Variants in LRFN2 observed in about 807,000 individuals in gnomAD.
LRFN2 encodes the protein leucine-rich repeat and fibronectin type-III domain-containing protein 2.
LRFN2 carries 18 observed loss-of-function variants against 37.3 expected under a neutral mutation model. That is an observed-to-expected ratio of 0.48 (90% CI 0.33 to 0.72). LRFN2 has a LOEUF of 0.72. Ranked by LOEUF, LRFN2 falls within the 30% of genes least tolerant of loss-of-function variation. The probability of loss-of-function intolerance (pLI) is 0.02; values close to 1 mark genes in which losing one functional copy is unlikely to be tolerated. For missense variants in LRFN2, 1,006 were observed against 1,060.7 expected, an observed-to-expected ratio of 0.95 and a Z score of 0.72; for synonymous variants, 556 against 466.6, an observed-to-expected ratio of 1.19 and a Z score of -2.47.
intron 1 of LRFN2, among the ~76,000 whole-genome samples, chr6:40,437,588 A>C (rs34058206): frequency 0.083 from 12,577 of 152,254 alleles, 798 homozygotes; most frequent in East Asian, 0.22. Flanking sequence ...ATCAGCATGG[A>C]AGATTACTGA....
rs191024366 is a variant in LRFN2, at chr6:40,542,752, A to G, written c.-19+44189T>C. Reference sequence around the variant, plus strand: ...TGCTACCTCTCCCTCTCTTAGCTCCAGCCAGAATGTGGGTCCCTCAGGTAT... The same window carrying G: ...TGCTACCTCTCCCTCTCTTAGCTCCGGCCAGAATGTGGGTCCCTCAGGTAT... On this transcript the variant is annotated intron_variant, in intron 1 of 2. Coordinates refer to ENST00000338305, the MANE Select transcript of LRFN2 (RefSeq NM_020737.3). Among the ~76,000 whole-genome samples the G allele has an allele frequency of 8.1e-4, 123 of 152,304 alleles. 2 individuals are homozygous for G. The highest frequency in any genetic ancestry group is 2.7e-3 in the African/African-American group (112 of 41,554).
intron 1 of LRFN2, among the ~76,000 whole-genome samples, chr6:40,493,822 G>A (rs1008824918): frequency 1.3e-5 from 2 of 152,200 alleles, no homozygotes; most frequent in Admixed American, 1.3e-4. Context: ...CCAGGCTCTA[G>A]AACCCCAGTC....
intron 1 of LRFN2, among the ~76,000 whole-genome samples, chr6:40,470,608 C>CAA (rs35631332): frequency 3.5e-4 from 46 of 133,312 alleles, no homozygotes; most frequent in Middle Eastern, 3.8e-3. Flanking sequence ...GACTCTGTCT[C>CAA]AAAAAAAAAA....
At chr6:40,519,058 C>G (rs1355684009) in intron 1 of LRFN2, among the ~76,000 whole-genome samples, 2 of 152,170 alleles carry the variant, frequency 1.3e-5, no homozygotes, top group African/African-American at 4.8e-5. Flanking sequence ...ATAGGAGAAC[C>G]ACCCCTTCTG....
At chr6:40,577,101 T>TCTCTTCTCTTCTC (rs1767296537) in intron 1 of LRFN2, among the ~76,000 whole-genome samples, 1 of 139,488 alleles carries the variant, frequency 7.2e-6, no homozygotes, top group African/African-American at 2.6e-5. Flanking sequence ...TTCTTTTCTT[T>TCTCTTCTCTTCTC]TCCTTTCTTT....
rs1581794303 is a variant in LRFN2, at chr6:40,558,672, G to C, written c.-19+28269C>G. 2.0e-5 allele frequency among the ~76,000 whole-genome samples: 3 copies of C among 152,298 alleles called. No homozygotes were observed. In the Middle Eastern group the frequency reaches 0.01, roughly 518 times the overall value. ...CTGACGTTAGAAACATGAAATTACT[G>C]TCTTTATCATTATTGTTAGCACCTG... On this transcript the variant is annotated intron_variant, in intron 1 of 2. Transcript: ENST00000338305.
At chr6:40,421,612 A>G (rs996297684) in intron 2 of LRFN2, among the ~76,000 whole-genome samples, 1 of 152,228 alleles carries the variant, frequency 6.6e-6, no homozygotes, top group Admixed American at 6.5e-5. Context: ...CAGAGAAAAT[A>G]GATTGTAAAT....
intron 1 of LRFN2, among the ~76,000 whole-genome samples, chr6:40,474,769 T>C (rs965197211): frequency 2.0e-5 from 3 of 152,190 alleles, no homozygotes; most frequent in Non-Finnish European, 4.4e-5. Context: ...GGATTACAGT[T>C]GTGAGTCACT....
chr6:40,511,008 A>T (rs1765690847), intron 1 of LRFN2, among the ~76,000 whole-genome samples: 1 of 152,136 alleles, frequency 6.6e-6, no homozygotes, highest in Non-Finnish European at 1.5e-5. Context: ...ATAAATAGGA[A>T]GTGAGCTGGC....
chr6:40,536,103 G>A (rs1267887955), intron 1 of LRFN2, among the ~76,000 whole-genome samples: 1 of 152,154 alleles, frequency 6.6e-6, no homozygotes, highest in Non-Finnish European at 1.5e-5. Flanking sequence ...TTCAAGCAGA[G>A]GCAGAGCAGG....
At chr6:40,504,386 C>T (rs1341849620) in intron 1 of LRFN2, among the ~76,000 whole-genome samples, 1 of 152,170 alleles carries the variant, frequency 6.6e-6, no homozygotes, top group East Asian at 1.9e-4. Flanking sequence ...AAAGGCTTAG[C>T]ACAGTGCCTG....
chr6:40,523,501 G>A (rs382023), intron 1 of LRFN2, among the ~76,000 whole-genome samples: 100,553 of 144,330 alleles, frequency 0.7, 36,311 homozygotes, highest in African/African-American at 0.89. Flanking sequence ...AGCATCTTTA[G>A]GTGATTTTTT....
In LRFN2 at chr6:40,568,812, C is replaced by T. The variant is rs182715020; in HGVS notation, c.-19+18129G>A. 9.2e-5 allele frequency among the ~76,000 whole-genome samples: 14 copies of T among 152,104 alleles called. No homozygotes were observed. The East Asian group carries it at 2.5e-3, about 27-fold the overall frequency. On this transcript the variant is annotated intron_variant, in intron 1 of 2. Transcript: ENST00000338305. The stretch of plus-strand genomic sequence containing the variant: ...TCTCGGCTCACTGTAACCTCCGCCT[C>T]CTGGGTTCAAGTGATTCTCCTACCT...
At chr6:40,505,205 G>A (rs1581758299) in intron 1 of LRFN2, among the ~76,000 whole-genome samples, 1 of 152,162 alleles carries the variant, frequency 6.6e-6, no homozygotes, top group African/African-American at 2.4e-5. Context: ...GTGGGGGCGG[G>A]GGACAAGGTG....
At chr6:40,401,507 G>T (rs1026774827) in intron 2 of LRFN2, among the ~76,000 whole-genome samples, 1 of 152,148 alleles carries the variant, frequency 6.6e-6, no homozygotes, top group African/African-American at 2.4e-5. Flanking sequence ...CACCGCTCTG[G>T]ACTGTTAGGA....
intron 1 of LRFN2, among the ~76,000 whole-genome samples, chr6:40,586,523 C>A (rs1013451659): frequency 6.6e-5 from 10 of 152,112 alleles, no homozygotes; most frequent in Non-Finnish European, 8.8e-5. Flanking sequence ...TCAGGGAGTC[C>A]CCGGCGCCCC....
chr6:40,435,755 G>T (rs1763656187), intron 1 of LRFN2, among the ~76,000 whole-genome samples: 1 of 152,166 alleles, frequency 6.6e-6, no homozygotes, highest in East Asian at 1.9e-4. Flanking sequence ...AGCCAAGATG[G>T]TCTCGATCTC....
rs188677241 is a variant in LRFN2 at position 40,394,427 on chromosome 6, C to T, written c.1401-1515G>A. On this transcript the variant is annotated intron_variant, in intron 2 of 2. Coordinates refer to ENST00000338305, the MANE Select transcript of LRFN2 (RefSeq NM_020737.3). ...AGGGCTCTATCAGTTCCCATCAACC[C>T]CTCAAACCTGGAGCTAGGCAACTTA... Among the ~76,000 whole-genome samples the T allele has an allele frequency of 8.5e-5, 13 of 152,242 alleles. No homozygotes were observed. In the East Asian group the frequency reaches 2.1e-3, roughly 25 times the overall value.
intron 1 of LRFN2, among the ~76,000 whole-genome samples, chr6:40,488,775 GA>G (rs2113868417): frequency 6.6e-6 from 1 of 152,246 alleles, no homozygotes; most frequent in African/African-American, 2.4e-5. Context: ...TGGTATGAAG[GA>G]ATTTCTGCCT....
Sources: gnomAD v4.1 joint callset for allele counts (sites outside exome capture counted in the v4.1 genomes callset) on GRCh38, gnomAD v4.1.1 for gene constraint, MANE v1.5 for transcripts, NCBI Gene and HGNC (gene_info 2026-07-23, HGNC 2026-07-21) for gene names.